ARMC2: variants seen among roughly 807,000 people sequenced by gnomAD.
The protein encoded by ARMC2 is armadillo repeat containing 2, also known as armadillo repeat-containing protein 2.
Under a neutral mutation model 90.3 loss-of-function variants are expected in ARMC2, and 67 were observed. That is an observed-to-expected ratio of 0.74 (90% confidence interval 0.61 to 0.91). ARMC2 has a LOEUF of 0.91. Among genes scored for constraint, ARMC2 ranks in the 40% least tolerant of loss-of-function variants. The pLI is 0.00. For synonymous variants in ARMC2, 393 were observed against 393.0 expected, an observed-to-expected ratio of 1.00 and a Z score of 0.00; for missense variants, 920 against 1,030.9, an observed-to-expected ratio of 0.89 and a Z score of 1.47.
At chr6:108,889,202 A>C (rs1259414482) in intron 5 of ARMC2, among the ~76,000 whole-genome samples, 1 of 152,148 alleles carries the variant, frequency 6.6e-6, no homozygotes, top group Non-Finnish European at 1.5e-5. Flanking sequence ...GCTGGAGTGA[A>C]GTGTGCAATC....
At chr6:108,991,030 A>C in the ARMC2 span, among the ~76,000 whole-genome samples, 1 of 150,676 alleles carries the variant, frequency 6.6e-6, no homozygotes, top group African/African-American at 2.4e-5. Context: ...GTTGTGTTTT[A>C]TAACTCAGTG....
the ARMC2 span, among the ~76,000 whole-genome samples, chr6:109,043,864 A>G: frequency 2.5e-4 from 38 of 152,334 alleles, no homozygotes; most frequent in Non-Finnish European, 4.1e-4. Flanking sequence ...TGGAAAGGCA[A>G]AAGACCTAGA....
At chr6:109,011,872 T>G in the ARMC2 span, among the ~76,000 whole-genome samples, 6 of 152,124 alleles carry the variant, frequency 3.9e-5, no homozygotes, top group African/African-American at 1.4e-4. Flanking sequence ...CAAGCAATTT[T>G]CCCGCCTTTG....
the ARMC2 span, among the ~76,000 whole-genome samples, chr6:109,050,768 A>C: frequency 9.2e-5 from 14 of 152,304 alleles, no homozygotes; most frequent in South Asian, 2.9e-3. Context: ...TTTAGTAATC[A>C]TAAGGAATTA....
At chr6:108,869,951 A>G (rs1249690625) in intron 4 of ARMC2, among the ~76,000 whole-genome samples, 1 of 152,232 alleles carries the variant, frequency 6.6e-6, no homozygotes, top group East Asian at 1.9e-4. Context: ...AAATGTCAGA[A>G]TACATGACAC....
the ARMC2 span, among the ~76,000 whole-genome samples, chr6:109,007,449 ATT>A: frequency 2.0e-5 from 3 of 152,200 alleles, no homozygotes; most frequent in East Asian, 5.8e-4. Flanking sequence ...AATTTGAATC[ATT>A]TTGTTTTCCT....
the ARMC2 span, among the ~76,000 whole-genome samples, chr6:109,038,471 T>C: frequency 1.4e-3 from 206 of 145,338 alleles, no homozygotes; most frequent in African/African-American, 5.3e-3. Context: ...CACTCCAGCC[T>C]GGGTAAGACA....
intron 5 of ARMC2, among the ~76,000 whole-genome samples, chr6:108,890,214 A>AAAAAAAAAAAT (rs1770852980): frequency 8.5e-6 from 1 of 117,362 alleles, no homozygotes; most frequent in Non-Finnish European, 1.8e-5. Flanking sequence ...AAAAAAAAAA[A>AAAAAAAAAAAT]AAAAAAAAAA....
the ARMC2 span, among the ~76,000 whole-genome samples, chr6:108,989,052 G>C: frequency 6.6e-6 from 1 of 152,276 alleles, no homozygotes; most frequent in Non-Finnish European, 1.5e-5. Flanking sequence ...GCCCAGGCTG[G>C]AGTGCAGTGG....
intron 17 of ARMC2, among the ~76,000 whole-genome samples, chr6:108,970,487 C>CTCTTT (rs1278152327): frequency 4.9e-5 from 7 of 144,198 alleles, no homozygotes; most frequent in Non-Finnish European, 4.5e-5. Flanking sequence ...TCTTTTTCTT[C>CTCTTT]TCTTTTCTTT....
At chr6:108,918,891 A>G (rs1245509415) in intron 10 of ARMC2, among the ~76,000 whole-genome samples, 3 of 152,398 alleles carry the variant, frequency 2.0e-5, no homozygotes. Context: ...CTGAAGCTTC[A>G]AAGAGCAATT....
chr6:108,995,275 T>A, the ARMC2 span, among the ~76,000 whole-genome samples: 1 of 152,364 alleles, frequency 6.6e-6, no homozygotes, highest in East Asian at 1.9e-4. Flanking sequence ...ATAAATAAGA[T>A]ACACAAAGTA....
At chr6:108,907,671 G>A (rs1772921625) in intron 8 of ARMC2, 2 of 1,604,022 alleles carry the variant, frequency 1.2e-6, no homozygotes, top group Non-Finnish European at 1.7e-6. Flanking sequence ...TAGCTGAAGA[G>A]CACGTAGCAT....
chr6:108,967,280 T>A (rs962128815), intron 17 of ARMC2, among the ~76,000 whole-genome samples: 1 of 152,222 alleles, frequency 6.6e-6, no homozygotes, highest in South Asian at 2.1e-4. Flanking sequence ...GGCCCAGGGC[T>A]TTCCCGCATA....
At chr6:109,005,682 T>G in the ARMC2 span, among the ~76,000 whole-genome samples, 1 of 152,190 alleles carries the variant, frequency 6.6e-6, no homozygotes, top group Non-Finnish European at 1.5e-5. Flanking sequence ...CCAAATTTAG[T>G]GGGCATATTA....
At chr6:108,991,017 A>T in the ARMC2 span, among the ~76,000 whole-genome samples, 1 of 152,092 alleles carries the variant, frequency 6.6e-6, no homozygotes, top group Non-Finnish European at 1.5e-5. Flanking sequence ...CAACATGCAA[A>T]AGGTTGTGTT....
downstream of ARMC2, among the ~76,000 whole-genome samples, chr6:108,979,227 G>T (rs148503791): frequency 7.9e-3 from 1,198 of 152,240 alleles, 20 homozygotes; most frequent in African/African-American, 0.028. Flanking sequence ...GTCTGTAAAG[G>T]ATTTTATTTC....
chr6:109,034,691 T>C, the ARMC2 span, among the ~76,000 whole-genome samples: 1 of 152,190 alleles, frequency 6.6e-6, no homozygotes, highest in Admixed American at 6.5e-5. Context: ...GGAGTGTGCA[T>C]AGTGAATGTC....
At chr6:108,902,135 G>A (rs1011211980) in intron 7 of ARMC2, among the ~76,000 whole-genome samples, 1 of 152,158 alleles carries the variant, frequency 6.6e-6, no homozygotes, top group Non-Finnish European at 1.5e-5. Flanking sequence ...GGGGATAGAA[G>A]TTACTCTGAG....
Sources: allele counts gnomAD v4.1 joint callset (sites outside exome capture counted in the v4.1 genomes callset), GRCh38; gene constraint gnomAD v4.1.1; transcripts MANE v1.5; gene names NCBI Gene and HGNC (gene_info 2026-07-23, HGNC 2026-07-21).